Variants in WNT7B observed in about 807,000 individuals in gnomAD.
The protein encoded by WNT7B is protein Wnt-7b.
In WNT7B, 19 loss-of-function variants were observed where a neutral mutation model predicts 38.2. That is an observed-to-expected ratio of 0.50 (90% CI 0.35 to 0.73). The LOEUF (loss-of-function observed/expected upper bound fraction) is 0.73. Among genes scored for constraint, WNT7B ranks in the 30% least tolerant of loss-of-function variants. The pLI is 0.01. For synonymous variants in WNT7B, 243 were observed against 209.3 expected, an observed-to-expected ratio of 1.16 and a Z score of -1.39; for missense variants, 423 against 507.9, an observed-to-expected ratio of 0.83 and a Z score of 1.61.
chr22:45,933,753 T>G (rs1315400970), intron 2 of WNT7B, among the ~76,000 whole-genome samples: 1 of 152,092 alleles, frequency 6.6e-6, no homozygotes, highest in Admixed American at 6.5e-5. Context: ...GCTTGCTGTG[T>G]GTGTGTGGTG....
chr22:45,934,046 C>G (rs561097620), intron 2 of WNT7B, among the ~76,000 whole-genome samples: 14 of 152,352 alleles, frequency 9.2e-5, no homozygotes, highest in Admixed American at 6.5e-5. Context: ...ATGCGCCGGG[C>G]GCACACCCAG....
chr22:45,952,213 C>T (rs532406239), intron 1 of WNT7B, among the ~76,000 whole-genome samples: 2 of 152,360 alleles, frequency 1.3e-5, no homozygotes, highest in South Asian at 2.1e-4. Context: ...ACCTACTGCC[C>T]GCCCGCCCTT....
chr22:45,930,506 G>A (rs538620780), intron 3 of WNT7B, among the ~76,000 whole-genome samples: 19 of 152,306 alleles, frequency 1.2e-4, no homozygotes, highest in Non-Finnish European at 2.5e-4. Flanking sequence ...TCCAGTGGGC[G>A]GGGCCCGGCT....
intron 1 of WNT7B, among the ~76,000 whole-genome samples, chr22:45,956,672 A>G (rs985644225): frequency 6.6e-6 from 1 of 152,216 alleles, no homozygotes; most frequent in East Asian, 1.9e-4. Context: ...CAACAGGAGG[A>G]TAGATAAAAA....
At chr22:45,930,434 A>T (rs914306485) in intron 3 of WNT7B, among the ~76,000 whole-genome samples, 1 of 152,168 alleles carries the variant, frequency 6.6e-6, no homozygotes, top group Non-Finnish European at 1.5e-5. Context: ...TGGCCACCCT[A>T]TCTCAGGCCA....
rs1932302672 is a variant in WNT7B at position 45,965,970 on chromosome 22, T to C, written c.71+10714A>G. On this transcript the variant is annotated intron_variant, in intron 1 of 3. Transcript: ENST00000339464. The surrounding 1 kb of genome is among the most constrained non-coding windows in gnomAD (Gnocchi z 6.5). ...CATGGACCCGACAGCCAGGAGTCCCTGGGCTCAAATCTGGGCTCAGCTGCT... is the reference window on the plus strand; with the variant it reads ...CATGGACCCGACAGCCAGGAGTCCCCGGGCTCAAATCTGGGCTCAGCTGCT... 3.9e-5 allele frequency among the ~76,000 whole-genome samples: 6 copies of C among 152,132 alleles called. 1 individual carries two copies. In the South Asian group the frequency reaches 1.2e-3, roughly 32 times the overall value.
intron 1 of WNT7B, among the ~76,000 whole-genome samples, chr22:45,964,186 C>T (rs1211210114): frequency 6.6e-6 from 1 of 152,022 alleles, no homozygotes; most frequent in Non-Finnish European, 1.5e-5. Context: ...CAGCCCGGAG[C>T]CACTGACTCC....
chr22:45,976,797 G>A lies in WNT7B; in HGVS notation c.-43C>T, dbSNP rs778476160. The A allele has an allele frequency of 1.9e-6, 3 of 1,561,306 alleles. No homozygotes were observed. The highest frequency in any genetic ancestry group is 2.6e-6 in the Non-Finnish European group (3 of 1,149,514). ...TGCGCCATAGACAGCGGCGGCCGGA[G>A]GGGACGCGCGGGCCCGGCAGGGCCG... On this transcript the variant is annotated 5_prime_UTR_variant, in exon 1 of 4. Transcript: ENST00000339464. The surrounding 1 kb of genome is among the most constrained non-coding windows in gnomAD (Gnocchi z 8.5).
At chr22:45,957,104 CAAAA>C (rs34329899) in intron 1 of WNT7B, among the ~76,000 whole-genome samples, 8 of 80,706 alleles carry the variant, frequency 9.9e-5, no homozygotes, top group Admixed American at 9.0e-4. Flanking sequence ...GACTCTGTCT[CAAAA>C]AAAAAAAAAA....
intron 2 of WNT7B, among the ~76,000 whole-genome samples, chr22:45,941,081 G>T (rs1343829966): frequency 6.6e-6 from 1 of 152,234 alleles, no homozygotes; most frequent in Admixed American, 6.5e-5. Context: ...CCACCGGGAG[G>T]CCTGTGCAAG....
chr22:45,936,965 C>T (rs9723295), intron 2 of WNT7B, among the ~76,000 whole-genome samples: 4,868 of 152,336 alleles, frequency 0.032, 257 homozygotes, highest in African/African-American at 0.11. Flanking sequence ...CACTTCCTAG[C>T]GTCCACAGGG....
At chr22:45,936,769 G>A (rs1426396890) in intron 2 of WNT7B, among the ~76,000 whole-genome samples, 1 of 152,242 alleles carries the variant, frequency 6.6e-6, no homozygotes, top group Non-Finnish European at 1.5e-5. Context: ...TGACCATGAG[G>A]AGGATGGTGG....
intron 2 of WNT7B, among the ~76,000 whole-genome samples, chr22:45,939,670 C>CACACAAAAAA (rs1417517350): frequency 6.6e-6 from 1 of 151,486 alleles, no homozygotes; most frequent in East Asian, 1.9e-4. Context: ...CACACACACA[C>CACACAAAAAA]AAAAATAGCC....
chr22:45,977,080 C>A lies in WNT7B; in HGVS notation c.-326G>T. The A allele has an allele frequency of 1.1e-6, 1 of 940,948 alleles. No homozygotes were observed. Among genetic ancestry groups the A allele is most frequent in the Non-Finnish European group, 1.3e-6 (1 of 789,724 alleles). The allele number at this position is 940,948 out of a possible 1,614,324, so 58.3% of individuals were successfully genotyped here. A position where few individuals can be genotyped will look rare whatever the true frequency, so the allele number is the denominator to read the frequency against. On this transcript the variant is annotated 5_prime_UTR_variant, in exon 1 of 4. Coordinates refer to ENST00000339464, the MANE Select transcript of WNT7B (RefSeq NM_058238.3). ...GCGGGCGGGTGCAGCCTGCACTAGGCGCAGCCGCCTGAGGCCGTGAGCGCC... is the reference window on the plus strand; with the variant it reads ...GCGGGCGGGTGCAGCCTGCACTAGGAGCAGCCGCCTGAGGCCGTGAGCGCC...
At position 45,920,730 on chromosome 22, in the gene WNT7B, AGATGAGGGATGGGATGGGATGGGG is replaced by A. The variant is rs1236263976; in HGVS notation, c.*2102_*2125del. 4 of 76,968 alleles carry A rather than the reference AGATGAGGGATGGGATGGGATGGGG, an allele frequency of 5.2e-5. No homozygotes were observed. Among genetic ancestry groups the A allele is most frequent in the African/African-American group, 1.1e-4 (2 of 19,034 alleles). The allele number at this position is 76,968 out of a possible 1,614,324, so 4.8% of individuals were successfully genotyped here. A position where few individuals can be genotyped will look rare whatever the true frequency, so the allele number is the denominator to read the frequency against. On this transcript the variant is annotated 3_prime_UTR_variant, in exon 4 of 4. Transcript: ENST00000339464. ...GGGATGGGGGATGGGATGAGGGATGAGATGAGGGATGGGATGGGATGGGGGATGAGGGATGGGGGCCGCAGCCAT... is the reference window on the plus strand; with the variant it reads ...GGGATGGGGGATGGGATGAGGGATGAGATGAGGGATGGGGGCCGCAGCCAT...
At chr22:45,956,749 G>A (rs1305186387) in intron 1 of WNT7B, among the ~76,000 whole-genome samples, 1 of 152,224 alleles carries the variant, frequency 6.6e-6, no homozygotes, top group Non-Finnish European at 1.5e-5. Context: ...CAACACGGAT[G>A]GGCCTCACAG....
At chr22:45,956,206 T>A (rs1932057363) in intron 1 of WNT7B, among the ~76,000 whole-genome samples, 1 of 152,204 alleles carries the variant, frequency 6.6e-6, no homozygotes, top group Non-Finnish European at 1.5e-5. Context: ...GCAAGTTTCT[T>A]AACTGTGTCT....
intron 2 of WNT7B, among the ~76,000 whole-genome samples, chr22:45,935,032 C>T (rs1029278504): frequency 6.6e-6 from 1 of 152,210 alleles, no homozygotes; most frequent in Non-Finnish European, 1.5e-5. Context: ...ACGCCCACTC[C>T]GAGGGCTTTG....
intron 3 of WNT7B, chr22:45,927,398 T>C (rs1762530561): frequency 6.6e-7 from 1 of 1,525,280 alleles, no homozygotes; most frequent in African/African-American, 1.4e-5. Context: ...CATCTCACTC[T>C]TGCCCATCAG....
Sources: gnomAD v4.1 joint callset for allele counts (sites outside exome capture counted in the v4.1 genomes callset) on GRCh38, gnomAD v4.1.1 for gene constraint, Gnocchi (gnomAD v3.1) non-coding constraint, MANE v1.5 for transcripts, NCBI Gene and HGNC (gene_info 2026-07-23, HGNC 2026-07-21) for gene names.